Variants in FARP1 observed in about 807,000 individuals in gnomAD.
FARP1 encodes the protein FERM, ARH/RhoGEF and pleckstrin domain protein 1, also known as FERM, ARHGEF and pleckstrin domain-containing protein 1.
A neutral mutation model predicts 128.8 loss-of-function variants in FARP1; 52 were observed. That is an observed-to-expected ratio of 0.40 (90% CI 0.32 to 0.51). FARP1 has a LOEUF of 0.51. FARP1 is among the 20% of genes least tolerant of loss of function. The pLI is 0.45. For synonymous variants in FARP1, 580 were observed against 551.8 expected, an observed-to-expected ratio of 1.05 and a Z score of -0.72; for missense variants, 1,333 against 1,367.9, an observed-to-expected ratio of 0.97 and a Z score of 0.40.
Position 98,365,442 on chromosome 13 carries a change from G to A in FARP1, c.319+5G>A, listed in dbSNP as rs749625956. On this transcript the variant is annotated splice_donor_5th_base_variant and intron_variant, in intron 4 of 26. Transcript: ENST00000319562. Reference sequence around the variant, plus strand: ...CCATTGTGAAACAGATTAGAAGTGAGTATATACCATATGTTTAATAGTGAT... The same window carrying A: ...CCATTGTGAAACAGATTAGAAGTGAATATATACCATATGTTTAATAGTGAT... 1 of 1,592,032 alleles carries A rather than the reference G, an allele frequency of 6.3e-7. No individual in the cohort carries two copies. Among genetic ancestry groups the A allele is most frequent in the Non-Finnish European group, 8.6e-7 (1 of 1,160,564 alleles).
intron 19 of FARP1, chr13:98,437,789 G>T: frequency 6.3e-7 from 1 of 1,585,686 alleles, no homozygotes; most frequent in Admixed American, 1.7e-5. Flanking sequence ...CCCTTATTAG[G>T]ACTCCACACT....
intron 2 of FARP1, among the ~76,000 whole-genome samples, chr13:98,273,529 GC>G (rs1815039943): frequency 6.6e-6 from 1 of 152,210 alleles, no homozygotes; most frequent in African/African-American, 2.4e-5. Flanking sequence ...TAGCCAAGAG[GC>G]GTTTGTTCAG....
At chr13:98,151,241 C>T (rs980605071) in intron 1 of FARP1, among the ~76,000 whole-genome samples, 2 of 152,072 alleles carry the variant, frequency 1.3e-5, no homozygotes, top group African/African-American at 4.8e-5. Context: ...CTCACTGTGC[C>T]TAATGCATAC....
intron 1 of FARP1, among the ~76,000 whole-genome samples, chr13:98,198,743 TG>T (rs1879737105): frequency 6.6e-6 from 1 of 151,318 alleles, no homozygotes; most frequent in African/African-American, 2.4e-5. Context: ...CTGGGCACGG[TG>T]GCACATGCCT....
chr13:98,280,640 T>C (rs1884890955), intron 2 of FARP1, among the ~76,000 whole-genome samples: 1 of 152,216 alleles, frequency 6.6e-6, no homozygotes, highest in African/African-American at 2.4e-5. Flanking sequence ...CCTGGGGGGT[T>C]TCTGTTCACA....
rs1417695379 is a variant in FARP1, at chr13:98,227,608, C to T, written c.171+14195C>T. Among the ~76,000 whole-genome samples, 3 of 152,180 alleles carry T rather than the reference C, an allele frequency of 2.0e-5. No homozygotes were observed. The South Asian group carries it at 6.2e-4, about 32-fold the overall frequency. ...AAAATAGAGTTGCTGTATGATCCAGCAATCCTCCTTTGGGGGCATGCCCAG... is the reference window on the plus strand; with the variant it reads ...AAAATAGAGTTGCTGTATGATCCAGTAATCCTCCTTTGGGGGCATGCCCAG... On this transcript the variant is annotated intron_variant, in intron 2 of 26. Transcript: ENST00000319562.
At chr13:98,442,862 A>G (rs1340565582) in intron 24 of FARP1, among the ~76,000 whole-genome samples, 3 of 152,240 alleles carry the variant, frequency 2.0e-5, no homozygotes, top group East Asian at 1.9e-4. Flanking sequence ...GACCTCAGCA[A>G]TGTGTGAATT....
At chr13:98,390,654 G>A (rs1282691537) in intron 10 of FARP1, 158 bp from the exon 11 acceptor site, 2 of 578,470 alleles carry the variant, frequency 3.5e-6, no homozygotes, top group Non-Finnish European at 6.2e-6. Context: ...CAAAAATACA[G>A]AGTCTGTCAG....
intron 1 of FARP1, among the ~76,000 whole-genome samples, chr13:98,162,676 C>T (rs1037607119): frequency 5.3e-5 from 8 of 152,118 alleles, no homozygotes; most frequent in Non-Finnish European, 7.3e-5. Context: ...CTTCATCTAC[C>T]TTTGACTTCT....
chr13:98,255,430 C>G (rs4238215), intron 2 of FARP1, among the ~76,000 whole-genome samples: 138,358 of 152,072 alleles, frequency 0.91, 62,967 homozygotes, highest in South Asian at 0.94. Flanking sequence ...GAACCCAGGA[C>G]GCGAAGCTTG....
chr13:98,287,533 G>T (rs561819128), intron 2 of FARP1, among the ~76,000 whole-genome samples: 1 of 151,688 alleles, frequency 6.6e-6, no homozygotes, highest in Admixed American at 6.6e-5. Flanking sequence ...CAGCCAAGAC[G>T]TGTCTTTACC....
chr13:98,241,895 GGC>G (rs1381876863), intron 2 of FARP1, among the ~76,000 whole-genome samples: 1 of 152,096 alleles, frequency 6.6e-6, no homozygotes, highest in Non-Finnish European at 1.5e-5. Context: ...CAACAGCCTG[GGC>G]GACAGATTGA....
chr13:98,267,737 C>G (rs942463032), intron 2 of FARP1, among the ~76,000 whole-genome samples: 18 of 152,356 alleles, frequency 1.2e-4, no homozygotes, highest in Non-Finnish European at 2.1e-4. Flanking sequence ...CAGGCCTTTG[C>G]CTTCCCACCG....
intron 8 of FARP1, among the ~76,000 whole-genome samples, chr13:98,387,754 C>T (rs1284615855): frequency 6.6e-6 from 1 of 152,218 alleles, no homozygotes. Flanking sequence ...CAGGCCTGGC[C>T]TCCCATCCTC....
intron 2 of FARP1, among the ~76,000 whole-genome samples, chr13:98,339,685 G>T (rs1887882290): frequency 6.6e-6 from 1 of 152,106 alleles, no homozygotes; most frequent in African/African-American, 2.4e-5. Context: ...ATATACTATT[G>T]AAACTATAAG....
At chr13:98,260,688 G>T (rs1261852371) in intron 2 of FARP1, among the ~76,000 whole-genome samples, 1 of 152,200 alleles carries the variant, frequency 6.6e-6, no homozygotes, top group Non-Finnish European at 1.5e-5. Flanking sequence ...AGCTAGAGGG[G>T]CTTTTTCATG....
chr13:98,440,914 G>T, intron 24 of FARP1, 78 bp downstream of exon 24: 2 of 1,422,964 alleles, frequency 1.4e-6, no homozygotes, highest in South Asian at 1.2e-5. Context: ...TGGGCCAGGG[G>T]CTTGAGGGAG....
chr13:98,183,090 A>G (rs1047716213), intron 1 of FARP1, among the ~76,000 whole-genome samples: 2 of 152,230 alleles, frequency 1.3e-5, no homozygotes, highest in African/African-American at 4.8e-5. Flanking sequence ...TTTGGGAACC[A>G]TAGTTGTTAG....
chr13:98,244,791 T>A, intron 2 of FARP1: 1 of 1,570,024 alleles, frequency 6.4e-7, no homozygotes. Context: ...AAGGTGACAT[T>A]AACACATTTC....
Sources: allele counts gnomAD v4.1 joint callset (sites outside exome capture counted in the v4.1 genomes callset), GRCh38; gene constraint gnomAD v4.1.1; transcripts MANE v1.5; gene names NCBI Gene and HGNC (gene_info 2026-07-23, HGNC 2026-07-21).